The following PRKAA2 variants were observed in gnomAD, a reference collection of about 807,000 sequenced individuals.
PRKAA2 encodes 5'-AMP-activated protein kinase catalytic subunit alpha-2.
A neutral mutation model predicts 56.3 loss-of-function variants in PRKAA2; 40 were observed. That is an observed-to-expected ratio of 0.71 (90% CI 0.55 to 0.92). PRKAA2 has a LOEUF of 0.92. PRKAA2 is among the 40% of genes least tolerant of loss of function. The pLI is 0.00. For synonymous variants in PRKAA2, 214 were observed against 234.2 expected (o/e 0.91, Z 0.79); for missense variants, 542 against 686.9 (o/e 0.79, Z 2.36).
Position 56,692,377 on chromosome 1 carries a change from G to C in PRKAA2, c.350G>C (p.Arg117Thr), listed in dbSNP as rs746649362. Reference sequence around the variant, plus strand: ...TGATAGGTTGAAGAGATGGAAGCCAGGCGGCTCTTTCAGCAGATTCTGTCT... The same window carrying C: ...TGATAGGTTGAAGAGATGGAAGCCACGCGGCTCTTTCAGCAGATTCTGTCT... ...KHGRVEEMEARRLFQQILSAV... is the reference protein window; with the variant it reads ...KHGRVEEMEATRLFQQILSAV... The change falls in exon 4 of 9, where the codon AGG becomes ACG. Residue 117 changes from arginine (R) to threonine (T), a missense_variant. Around this residue, in one of 5 missense-constraint regions of PRKAA2, gnomAD observed 121 missense variants for 210.0 expected, o/e 0.58. Coordinates refer to ENST00000371244, the MANE Select transcript of PRKAA2 (RefSeq NM_006252.4). 13 of 1,613,954 alleles carry C rather than the reference G, an allele frequency of 8.1e-6. No individual in the cohort carries two copies. Among genetic ancestry groups the C allele is most frequent in the Middle Eastern group, 3.3e-4 (2 of 6,084 alleles).
At chr1:56,677,096 G>A (rs999447672) in intron 2 of PRKAA2, among the ~76,000 whole-genome samples, 1 of 152,142 alleles carries the variant, frequency 6.6e-6, no homozygotes, top group African/African-American at 2.4e-5. Context: ...CATGAGCTTG[G>A]TAACTCACCT....
intron 2 of PRKAA2, among the ~76,000 whole-genome samples, chr1:56,690,759 G>A (rs1644224259): frequency 6.6e-6 from 1 of 152,094 alleles, no homozygotes; most frequent in Admixed American, 6.5e-5. Flanking sequence ...GAAAATATAT[G>A]TATGTTTTAC....
intron 1 of PRKAA2, among the ~76,000 whole-genome samples, chr1:56,655,280 A>ATATATATATATATTTTTTTTTTTT: frequency 2.8e-4 from 26 of 93,632 alleles, no homozygotes; most frequent in African/African-American, 1.0e-3. Context: ...ATATATATAT[A>ATATATATATATATTTTTTTTTTTT]TTTTTTTTTT....
At chr1:56,655,269 T>A (rs61772963) in intron 1 of PRKAA2, among the ~76,000 whole-genome samples, 2 of 84,304 alleles carry the variant, frequency 2.4e-5, no homozygotes, top group Non-Finnish European at 2.2e-5. Flanking sequence ...TTTATATATC[T>A]ATATATATAT....
intron 2 of PRKAA2, among the ~76,000 whole-genome samples, chr1:56,683,677 T>C (rs1339077675): frequency 6.6e-6 from 1 of 151,990 alleles, no homozygotes; most frequent in Admixed American, 6.6e-5. Flanking sequence ...TGTTAGACAG[T>C]GAAGAGGTGA....
At chr1:56,690,259 G>C (rs896899995) in intron 2 of PRKAA2, among the ~76,000 whole-genome samples, 1 of 151,738 alleles carries the variant, frequency 6.6e-6, no homozygotes, top group African/African-American at 2.4e-5. Flanking sequence ...TGCCTCCCGG[G>C]TTCACGCCAT....
intron 1 of PRKAA2, among the ~76,000 whole-genome samples, chr1:56,650,985 C>G (rs1044031067): frequency 2.6e-5 from 4 of 152,176 alleles, no homozygotes; most frequent in African/African-American, 9.7e-5. Context: ...ACTGTCCCAT[C>G]AATTGATGGA....
intron 2 of PRKAA2, among the ~76,000 whole-genome samples, chr1:56,690,679 A>G (rs868866798): frequency 2.6e-5 from 4 of 152,090 alleles, no homozygotes; most frequent in Middle Eastern, 3.4e-3. Context: ...TTATTTGTTG[A>G]GGAAATGGTC....
At chr1:56,659,818 G>A (rs57794870) in intron 1 of PRKAA2, among the ~76,000 whole-genome samples, 4,314 of 152,192 alleles carry the variant, frequency 0.028, 184 homozygotes, top group African/African-American at 0.096. Context: ...TGAGGCGGGA[G>A]GATCGCTTAG....
At chr1:56,685,087 G>A (rs1270521020) in intron 2 of PRKAA2, among the ~76,000 whole-genome samples, 1 of 152,122 alleles carries the variant, frequency 6.6e-6, no homozygotes, top group Non-Finnish European at 1.5e-5. Flanking sequence ...AAGATAATTA[G>A]AAATGAGGCA....
intron 2 of PRKAA2, among the ~76,000 whole-genome samples, chr1:56,674,992 C>G (rs6671760): frequency 0.51 from 77,368 of 151,740 alleles, 19,972 homozygotes; most frequent in Middle Eastern, 0.57. Context: ...ACTTGTAGAA[C>G]TGAAAGTAGT....
chr1:56,669,158 C>T (rs1644057430), intron 1 of PRKAA2, among the ~76,000 whole-genome samples: 1 of 152,014 alleles, frequency 6.6e-6, no homozygotes, highest in Admixed American at 6.6e-5. Context: ...CTGGATGATG[C>T]ATTAAGAGTG....
chr1:56,687,176 A>G (rs1461560555), intron 2 of PRKAA2, among the ~76,000 whole-genome samples: 3 of 152,038 alleles, frequency 2.0e-5, no homozygotes, highest in Admixed American at 1.3e-4. Context: ...GAGCCACCGC[A>G]CCTGGCCAAA....
At chr1:56,647,089 A>G (rs1412792634) in intron 1 of PRKAA2, among the ~76,000 whole-genome samples, 1 of 152,218 alleles carries the variant, frequency 6.6e-6, no homozygotes, top group Non-Finnish European at 1.5e-5. Flanking sequence ...AAAGACCTAA[A>G]AAGTTTGTAA....
Position 56,714,497 on chromosome 1 carries a change from G to C in PRKAA2, c.*6784G>C, listed in dbSNP as rs1644392869. ...GTAAGATCACAGTTTCACAAATTGT[G>C]GTGTTGTTAGGTGACATTTAATATT... On this transcript the variant is annotated 3_prime_UTR_variant, in exon 9 of 9. Transcript: ENST00000371244. 1 of 152,056 alleles carries C rather than the reference G, an allele frequency of 6.6e-6. No homozygotes were observed. The highest frequency in any genetic ancestry group is 1.5e-5 in the Non-Finnish European group (1 of 67,988). The allele number at this position is 152,056 out of a possible 1,614,324, so 9.4% of individuals were successfully genotyped here. A position where few individuals can be genotyped will look rare whatever the true frequency, so the allele number is the denominator to read the frequency against.
chr1:56,714,902 C>A lies in PRKAA2; in HGVS notation c.*7189C>A, dbSNP rs368670616. The A allele has an allele frequency of 4.0e-5, 6 of 151,538 alleles. No individual in the cohort carries two copies. Among genetic ancestry groups the A allele is most frequent in the East Asian group, 3.9e-4 (2 of 5,184 alleles). 9.4% of individuals were successfully genotyped at this position (151,538 alleles called of 1,614,324 possible). A position where few individuals can be genotyped will look rare whatever the true frequency, so the allele number is the denominator to read the frequency against. ...CCTGCATTCATTCATTCTTAGCATA[C>A]CTTTGAAAAAGAAAAAAAAATCCAT... On this transcript the variant is annotated 3_prime_UTR_variant, in exon 9 of 9. Coordinates refer to ENST00000371244, the MANE Select transcript of PRKAA2 (RefSeq NM_006252.4).
intron 1 of PRKAA2, among the ~76,000 whole-genome samples, chr1:56,661,487 T>G (rs922070492): frequency 6.6e-6 from 1 of 152,186 alleles, no homozygotes; most frequent in Non-Finnish European, 1.5e-5. Flanking sequence ...ATGAGATCTA[T>G]CCATGTCATT....
chr1:56,655,234 T>G (rs944607777), intron 1 of PRKAA2, among the ~76,000 whole-genome samples: 1 of 146,442 alleles, frequency 6.8e-6, no homozygotes, highest in Admixed American at 6.9e-5. Flanking sequence ...AAAAAATCAT[T>G]TTACTGTTTC....
At chr1:56,649,306 T>C (rs1646668564) in intron 1 of PRKAA2, among the ~76,000 whole-genome samples, 1 of 152,252 alleles carries the variant, frequency 6.6e-6, no homozygotes, top group African/African-American at 2.4e-5. Flanking sequence ...TTTTGTTGAA[T>C]GCAGGTGCAT....
Sources: allele counts gnomAD v4.1 joint callset (sites outside exome capture counted in the v4.1 genomes callset), GRCh38; gene constraint gnomAD v4.1.1; regional missense constraint gnomAD v4.1.1; transcripts MANE v1.5; gene names NCBI Gene and HGNC (gene_info 2026-07-23, HGNC 2026-07-21).